The following KCNV2 variants were observed in gnomAD, a reference collection of about 807,000 sequenced individuals.
KCNV2 encodes the protein potassium voltage-gated channel subfamily V member 2.
In KCNV2, 65 loss-of-function variants were observed where a neutral mutation model predicts 37.0. The observed-to-expected ratio is 1.76, with a 90% CI of 1.44 to 2.16. The LOEUF (loss-of-function observed/expected upper bound fraction) is 2.16. Ranked by LOEUF, KCNV2 falls within the 30% of genes most tolerant of loss-of-function variation. The probability of loss-of-function intolerance (pLI) is 0.00; values close to 1 mark genes in which losing one functional copy is unlikely to be tolerated. For synonymous variants in KCNV2, 518 were observed against 328.6 expected (o/e 1.58, Z -6.23); for missense variants, 1,232 against 766.7 (o/e 1.61, Z -7.17).
At chr9:2,719,208 C>G (rs535399096) in intron 1 of KCNV2, 113 bp downstream of exon 1, 15 of 1,216,032 alleles carry the variant, frequency 1.2e-5, no homozygotes, top group East Asian at 1.0e-4. Flanking sequence ...GTCTTCCCCC[C>G]CACCCCCAAT....
chr9:2,721,505 G>A (rs7850340), intron 1 of KCNV2, among the ~76,000 whole-genome samples: 7,082 of 152,096 alleles, frequency 0.047, 570 homozygotes, highest in African/African-American at 0.16. Flanking sequence ...TCTTGTTTCC[G>A]GTATGTAGAT....
At position 2,729,596 on chromosome 9, in the gene KCNV2, CTGAAGGCTTATGAG is replaced by C. The variant is rs1453946073; in HGVS notation, c.1509_1522del (p.Lys504TyrfsTer22). Reference sequence around the variant, plus strand: ...CAAGTTTTCTGATTACTACAGCAAGCTGAAGGCTTATGAGTATACCACCATACGCAGGGAGAGGG... The same window carrying C: ...CAAGTTTTCTGATTACTACAGCAAGCTATACCACCATACGCAGGGAGAGGG... On this transcript the variant is annotated frameshift_variant, in exon 2 of 2. Transcript: ENST00000382082. LOFTEE classifies it high-confidence loss of function. 6.2e-7 allele frequency: 1 copy of C among 1,614,060 alleles called. No individual in the cohort carries two copies. Among genetic ancestry groups the C allele is most frequent in the African/African-American group, 1.3e-5 (1 of 75,004 alleles).
rs962085824 is a variant in KCNV2 at position 2,718,448 on chromosome 9, C to A, written c.709C>A (p.Arg237Ser). Residue 237 changes from arginine (R) to serine (S), a missense_variant, in exon 1 of 2, where the codon CGC (arginine) becomes AGC (serine). Coordinates refer to ENST00000382082, the MANE Select transcript of KCNV2 (RefSeq NM_133497.4). ...GGCGGAGGAACTCTTCCGCGACATG[C>A]GCTTCTACGGCCCGCAGCGGCGCCG... ...EEAEELFRDM[R>S]FYGPQRRRLW... 1 of 1,606,640 alleles carries A rather than the reference C, an allele frequency of 6.2e-7. No individual in the cohort carries two copies. The highest frequency in any genetic ancestry group is 8.5e-7 in the Non-Finnish European group (1 of 1,177,286).
intron 1 of KCNV2, 33 bp downstream of exon 1, chr9:2,719,128 C>G (rs1208740064): frequency 2.5e-6 from 4 of 1,601,378 alleles, no homozygotes; most frequent in Non-Finnish European, 2.5e-6. Context: ...TTCCCATCCT[C>G]TTCCCCAGCC....
At position 2,718,038 on chromosome 9, in the gene KCNV2, A is replaced by T; in HGVS notation, c.299A>T (p.Asn100Ile). ...CCTCCGGCCCTGCTGTCCACGCTGA[A>T]TGTGAACGTGGGTGGCCACAGCTAC... Reference protein sequence around the residue: ...SDPPALLSTLNVNVGGHSYQL... With the variant: ...SDPPALLSTLIVNVGGHSYQL... Residue 100 changes from asparagine to isoleucine, a missense_variant, in exon 1 of 2, where the codon AAT becomes ATT. Physicochemically the swap from Asn to Ile is moderately radical, Grantham distance 149. Coordinates refer to ENST00000382082, the MANE Select transcript of KCNV2 (RefSeq NM_133497.4). 6.2e-7 allele frequency: 1 copy of T among 1,611,520 alleles called. No homozygotes were observed. The highest frequency in any genetic ancestry group is 1.7e-4 in the Middle Eastern group (1 of 6,058).
rs780916608 is a variant in KCNV2, at chr9:2,729,552, C to A, written c.1463C>A (p.Pro488His). The A allele has an allele frequency of 6.2e-7, 1 of 1,614,058 alleles. No homozygotes were observed. The highest frequency in any genetic ancestry group is 8.5e-7 in the Non-Finnish European group (1 of 1,179,986). Residue 488 changes from proline (P) to histidine (H), a missense_variant, in exon 2 of 2, where the codon CCC becomes CAC. Physicochemically the swap from Pro to His is moderately conservative, Grantham distance 77. Coordinates refer to ENST00000382082, the MANE Select transcript of KCNV2 (RefSeq NM_133497.4). ...TTTGGGATCATTCTCAACGGGATGC[C>A]CATTTCCATCCTCTACAACAAGTTT... ...IAFGIILNGM[P>H]ISILYNKFSD...
Position 2,718,001 on chromosome 9 carries a change from G to A in KCNV2, c.262G>A (p.Gly88Ser). 6.2e-7 allele frequency: 1 copy of A among 1,614,006 alleles called. No individual in the cohort carries two copies. The highest frequency in any genetic ancestry group is 1.1e-5 in the South Asian group (1 of 91,060). ...AGEVTTAKPEGPSDPPALLST... is the reference protein window; with the variant it reads ...AGEVTTAKPESPSDPPALLST... ...GGAGGTCACCACCGCCAAGCCCGAG[G>A]GCCCCAGCGACCCTCCGGCCCTGCT... The change falls in exon 1 of 2, where the codon GGC (glycine) becomes AGC (serine). Residue 88 changes from glycine to serine, a missense_variant. Coordinates refer to ENST00000382082, the MANE Select transcript of KCNV2 (RefSeq NM_133497.4).
rs569992163 is a variant in KCNV2, at chr9:2,718,605, C to A, written c.866C>A (p.Ser289Ter). ...LNTVEEMQQH[S>*]GQGEGGPDLR... The stretch of plus-strand genomic sequence containing the variant: ...ACCGTGGAGGAGATGCAGCAGCACT[C>A]GGGGCAGGGCGAGGGCGGCCCAGAC... The change falls in exon 1 of 2, where the codon TCG becomes TAG. Residue 289 changes from serine to a stop codon, truncating the protein, a stop_gained. Coordinates refer to ENST00000382082, the MANE Select transcript of KCNV2 (RefSeq NM_133497.4). LOFTEE classifies it high-confidence loss of function. 6.8e-6 allele frequency: 11 copies of A among 1,612,868 alleles called. No homozygotes were observed. In the African/African-American group the frequency reaches 1.1e-4, roughly 16 times the overall value.
chr9:2,721,959 T>A (rs1259725604), intron 1 of KCNV2, among the ~76,000 whole-genome samples: 1 of 151,858 alleles, frequency 6.6e-6, no homozygotes, highest in Non-Finnish European at 1.5e-5. Flanking sequence ...AGCATTTTAT[T>A]AATCATGCAT....
rs770448872 is a variant in KCNV2, at chr9:2,718,810, C to T, written c.1071C>T (p.Gly357=). Residue 357 remains glycine, a synonymous_variant, in exon 1 of 2, where the codon GGC becomes GGT. Transcript: ENST00000382082. ...YLQLLLECFT[G]EGHQRGQTVG... is the part of the protein sequence containing the mutation. Reference sequence around the variant, plus strand: ...AGCTGCTGCTCGAGTGCTTCACGGGCGAGGGCCACCAACGCGGCCAGACGG... The same window carrying T: ...AGCTGCTGCTCGAGTGCTTCACGGGTGAGGGCCACCAACGCGGCCAGACGG... 6.2e-7 allele frequency: 1 copy of T among 1,610,256 alleles called. No homozygotes were observed. Among genetic ancestry groups the T allele is most frequent in the Non-Finnish European group, 8.5e-7 (1 of 1,179,898 alleles).
chr9:2,725,227 T>C (rs1045695110), intron 1 of KCNV2, among the ~76,000 whole-genome samples: 5 of 152,204 alleles, frequency 3.3e-5, no homozygotes, highest in South Asian at 2.1e-4. Flanking sequence ...ACCTACCGCT[T>C]ATTGTACCAC....
In KCNV2 at chr9:2,718,583, G is replaced by A. The variant is rs781606821; in HGVS notation, c.844G>A (p.Val282Met). The A allele has an allele frequency of 1.2e-6, 2 of 1,612,906 alleles. No individual in the cohort carries two copies. Among genetic ancestry groups the A allele is most frequent in the Non-Finnish European group, 1.7e-6 (2 of 1,179,784 alleles). Residue 282 changes from valine (V) to methionine (M), a missense_variant, in exon 1 of 2, where the codon GTG (valine) becomes ATG (methionine). Coordinates refer to ENST00000382082, the MANE Select transcript of KCNV2 (RefSeq NM_133497.4). ...VSVVALALNT[V>M]EEMQQHSGQG... ...CGTGGTGGCGCTGGCGCTCAACACC[G>A]TGGAGGAGATGCAGCAGCACTCGGG...
intron 1 of KCNV2, among the ~76,000 whole-genome samples, chr9:2,719,386 G>C (rs1354521829): frequency 1.3e-5 from 2 of 152,074 alleles, no homozygotes; most frequent in Admixed American, 1.3e-4. Context: ...CATCATTACT[G>C]TTATTTACCA....
At position 2,729,460 on chromosome 9, in the gene KCNV2, C is replaced by T. The variant is rs752283303; in HGVS notation, c.1371C>T (p.Thr457=). 15 of 1,613,614 alleles carry T rather than the reference C, an allele frequency of 9.3e-6. No individual in the cohort carries two copies. The highest frequency in any genetic ancestry group is 3.4e-4 in the Middle Eastern group (2 of 5,816). The change falls in exon 2 of 2, where the codon ACC becomes ACT. Residue 457 remains threonine, a synonymous_variant. Transcript: ENST00000382082. ...TTCCTCTACAGGTGAGCATCTCCAC[C>T]GTGGGCTACGGAGACATGTACCCAG... The part of the protein sequence containing the change: ...SWWWAAVSIS[T]VGYGDMYPET...
At chr9:2,721,884 C>T (rs1040489935) in intron 1 of KCNV2, among the ~76,000 whole-genome samples, 2 of 151,922 alleles carry the variant, frequency 1.3e-5, no homozygotes, top group Non-Finnish European at 2.9e-5. Context: ...CTAAATGCAC[C>T]TGACTCAACA....
chr9:2,719,474 T>A lies in KCNV2; in HGVS notation c.1356+379T>A, dbSNP rs540379321. On this transcript the variant is annotated intron_variant, in intron 1 of 1. Coordinates refer to ENST00000382082, the MANE Select transcript of KCNV2 (RefSeq NM_133497.4). ...CCTTTGAGATGGTTATGACCACCATTTTTTTTTAAGGGGACAAGCAGAAAT... is the reference window on the plus strand; with the variant it reads ...CCTTTGAGATGGTTATGACCACCATATTTTTTTAAGGGGACAAGCAGAAAT... 9.2e-5 allele frequency among the ~76,000 whole-genome samples: 14 copies of A among 151,616 alleles called. 1 individual carries two copies. Among genetic ancestry groups the A allele is most frequent in the African/African-American group, 3.1e-4 (13 of 41,332 alleles).
chr9:2,719,350 A>G (rs1819818965), intron 1 of KCNV2, among the ~76,000 whole-genome samples: 1 of 152,146 alleles, frequency 6.6e-6, no homozygotes, highest in East Asian at 1.9e-4. Context: ...CAAACCTTTA[A>G]AAGACAGGTT....
intron 1 of KCNV2, among the ~76,000 whole-genome samples, chr9:2,726,959 C>G (rs188079288): frequency 3.7e-4 from 56 of 152,168 alleles, no homozygotes; most frequent in African/African-American, 1.3e-3. Flanking sequence ...CGAAACCATC[C>G]CCTCCCCCAA....
At chr9:2,720,061 T>G (rs1819838337) in intron 1 of KCNV2, among the ~76,000 whole-genome samples, 1 of 152,230 alleles carries the variant, frequency 6.6e-6, no homozygotes, top group Non-Finnish European at 1.5e-5. Flanking sequence ...GTTTCCTTAG[T>G]TTTCTTTTGA....
Sources: allele counts gnomAD v4.1 joint callset (sites outside exome capture counted in the v4.1 genomes callset), GRCh38; gene constraint gnomAD v4.1.1; transcripts MANE v1.5; gene names NCBI Gene and HGNC (gene_info 2026-07-23, HGNC 2026-07-21).